Variants in SGK1 observed in about 807,000 individuals in gnomAD.
SGK1 encodes serum/glucocorticoid regulated kinase 1.
Under a neutral mutation model 64.2 loss-of-function variants are expected in SGK1, and 26 were observed. That is an observed-to-expected ratio of 0.40 (90% CI 0.30 to 0.56). The LOEUF (loss-of-function observed/expected upper bound fraction) is 0.56, where lower values mean the gene tolerates loss of function less well. Among genes scored for constraint, SGK1 ranks in the 20% least tolerant of loss-of-function variants. The pLI, the probability that SGK1 is intolerant of heterozygous loss-of-function variation, is 0.38. For synonymous variants in SGK1, 265 were observed against 239.7 expected, an observed-to-expected ratio of 1.11 and a Z score of -0.98; for missense variants, 519 against 645.6, an observed-to-expected ratio of 0.80 and a Z score of 2.12.
chr6:134,297,230 C>T (rs1246036302), intron 1 of SGK1: 1 of 1,052,712 alleles, frequency 9.5e-7, no homozygotes, highest in African/African-American at 1.6e-5. Context: ...GCCGGCATTT[C>T]TAGCCCTCCA....
At chr6:134,220,058 C>CAAAAAAAAAAAAAAAAAA (rs55870107) in intron 2 of SGK1, among the ~76,000 whole-genome samples, 12 of 61,348 alleles carry the variant, frequency 2.0e-4, no homozygotes, top group African/African-American at 3.3e-4. Context: ...GACTCCGTCT[C>CAAAAAAAAAAAAAAAAAA]AAAAAAAAAA....
In SGK1 at chr6:134,172,215, G is replaced by C. The variant is rs1238761044; in HGVS notation, c.1049C>G (p.Ser350Cys). The C allele has an allele frequency of 1.9e-6, 3 of 1,614,206 alleles. No homozygotes were observed. In the East Asian group the frequency reaches 6.7e-5, roughly 36 times the overall value. Residue 350 changes from serine to cysteine, a missense_variant, in exon 10 of 14, where the codon TCC (serine) becomes TGC (cysteine). This residue lies in a region of SGK1 where 278 missense variants were observed against 408.7 expected (regional missense o/e 0.68). Coordinates refer to ENST00000367858, the MANE Select transcript of SGK1 (RefSeq NM_001143676.3). ...KENIEHNSTTSTFCGTPEYLA... is the reference protein window; with the variant it reads ...KENIEHNSTTCTFCGTPEYLA... ...TACCTCCGGCGTGCCACAGAAGGTG[G>C]ATGTTGTGCTGTTGTGTTCAATGTT...
At chr6:134,292,063 A>T (rs1328320886) in intron 1 of SGK1, among the ~76,000 whole-genome samples, 2 of 49,128 alleles carry the variant, frequency 4.1e-5, no homozygotes, top group Non-Finnish European at 8.8e-5. Flanking sequence ...ACTCTCTCTC[A>T]AAAAAAAAAA....
At chr6:134,227,092 A>G (rs1305815428) in intron 2 of SGK1, among the ~76,000 whole-genome samples, 2 of 152,104 alleles carry the variant, frequency 1.3e-5, no homozygotes, top group Non-Finnish European at 2.9e-5. Flanking sequence ...GTTAGCCTCC[A>G]TGGCTGGTCC....
chr6:134,171,202 T>C (rs1294033081), intron 11 of SGK1, 24 bp from the exon 12 acceptor site: 1 of 1,611,806 alleles, frequency 6.2e-7, no homozygotes, highest in South Asian at 1.1e-5. Flanking sequence ...AAAATTACTT[T>C]AGACTTAATT....
At chr6:134,210,562 A>T (rs1184527054) in intron 2 of SGK1, among the ~76,000 whole-genome samples, 1 of 152,146 alleles carries the variant, frequency 6.6e-6, no homozygotes, top group African/African-American at 2.4e-5. Flanking sequence ...GCAGTGGCTC[A>T]CACCTGTAAT....
chr6:134,189,912 C>T (rs1318249572), intron 3 of SGK1, among the ~76,000 whole-genome samples: 1 of 152,094 alleles, frequency 6.6e-6, no homozygotes, highest in East Asian at 1.9e-4. Flanking sequence ...TGCAATGGCA[C>T]CATCTCAGCT....
At chr6:134,207,029 T>C (rs552250152) in intron 3 of SGK1, among the ~76,000 whole-genome samples, 148 of 151,762 alleles carry the variant, frequency 9.8e-4, no homozygotes, top group Non-Finnish European at 1.7e-3. Context: ...ATCGAGACCA[T>C]CCTGGCTGAC....
At chr6:134,207,032 T>C (rs906131953) in intron 3 of SGK1, among the ~76,000 whole-genome samples, 2 of 152,032 alleles carry the variant, frequency 1.3e-5, no homozygotes, top group Non-Finnish European at 2.9e-5. Context: ...GAGACCATCC[T>C]GGCTGACACG....
intron 2 of SGK1, among the ~76,000 whole-genome samples, chr6:134,220,981 CAA>C (rs201634413): frequency 4.2e-4 from 38 of 91,042 alleles, no homozygotes; most frequent in Admixed American, 7.5e-4. Flanking sequence ...GACTCCGGCT[CAA>C]AAAAAAAAAA....
intron 1 of SGK1, among the ~76,000 whole-genome samples, chr6:134,299,035 G>A (rs937601224): frequency 4.6e-5 from 7 of 151,816 alleles, no homozygotes; most frequent in African/African-American, 7.3e-5. Context: ...TCCTGACCTC[G>A]TGATCCACCT....
intron 3 of SGK1, among the ~76,000 whole-genome samples, chr6:134,198,724 C>CTTTTTTTTTTTTTTTTTTTTTT (rs1459010325): frequency 1.5e-5 from 1 of 65,948 alleles, no homozygotes. Context: ...TTCTCTTTTT[C>CTTTTTTTTTTTTTTTTTTTTTT]TATTTTTTTT....
chr6:134,173,100 A>G lies in SGK1; in HGVS notation c.757T>C (p.Phe253Leu). 1 of 1,614,034 alleles carries G rather than the reference A, an allele frequency of 6.2e-7. No individual in the cohort carries two copies. The highest frequency in any genetic ancestry group is 8.5e-7 in the Non-Finnish European group (1 of 1,179,862). ...NVLLKNVKHP[F>L]LVGLHFSFQT... ...AAAGAGAAGTGAAGGCCCACCAGGA[A>G]AGGGTGCTTCACATTCTTCAACAGA... is the stretch of plus-strand genomic sequence containing the variant. Residue 253 changes from phenylalanine to leucine, a missense_variant, in exon 8 of 14, where the codon TTC (phenylalanine) becomes CTC (leucine). Physicochemically the swap from Phe to Leu is conservative, Grantham distance 22. Around this residue, in one of 2 missense-constraint regions of SGK1, gnomAD observed 278 missense variants for 408.7 expected, o/e 0.68. Coordinates refer to ENST00000367858, the MANE Select transcript of SGK1 (RefSeq NM_001143676.3).
intron 2 of SGK1, among the ~76,000 whole-genome samples, chr6:134,256,716 C>A (rs1368679005): frequency 2.6e-5 from 4 of 152,174 alleles, no homozygotes; most frequent in Non-Finnish European, 5.9e-5. Flanking sequence ...ACAGCTTACA[C>A]AGCTCTAAGT....
chr6:134,265,692 G>A (rs1457588463), intron 1 of SGK1, among the ~76,000 whole-genome samples: 1 of 147,490 alleles, frequency 6.8e-6, no homozygotes, highest in Non-Finnish European at 1.5e-5. Context: ...AGGCAAAATA[G>A]AAACTGCTGT....
intron 3 of SGK1, among the ~76,000 whole-genome samples, chr6:134,182,324 G>A (rs1025240850): frequency 1.3e-5 from 2 of 151,826 alleles, no homozygotes; most frequent in African/African-American, 4.8e-5. Context: ...AAGGTGGGTG[G>A]GTCACTTGAG....
chr6:134,252,138 AG>A (rs1776615292), intron 2 of SGK1, among the ~76,000 whole-genome samples: 1 of 152,208 alleles, frequency 6.6e-6, no homozygotes, highest in Non-Finnish European at 1.5e-5. Flanking sequence ...GAGAAGAGAA[AG>A]GGAGTCCATG....
At chr6:134,212,547 A>C (rs1775909390) in intron 2 of SGK1, among the ~76,000 whole-genome samples, 1 of 152,158 alleles carries the variant, frequency 6.6e-6, no homozygotes, top group Non-Finnish European at 1.5e-5. Context: ...ACTCTGCCCC[A>C]GAAGACATCC....
At chr6:134,227,221 G>A (rs1481519336) in intron 2 of SGK1, among the ~76,000 whole-genome samples, 8 of 151,588 alleles carry the variant, frequency 5.3e-5, no homozygotes, top group South Asian at 2.1e-4. Context: ...TGCAACCTCC[G>A]CCTCCCAGAT....
Sources: gnomAD v4.1 joint callset for allele counts (sites outside exome capture counted in the v4.1 genomes callset) on GRCh38, gnomAD v4.1.1 for gene constraint, gnomAD v4.1.1 regional missense constraint, MANE v1.5 for transcripts, NCBI Gene and HGNC (gene_info 2026-07-23, HGNC 2026-07-21) for gene names.